AGBL1: variants seen among roughly 807,000 people sequenced by gnomAD.
AGBL1 encodes the protein cytosolic carboxypeptidase 4.
In AGBL1, 130 loss-of-function variants were observed where a neutral mutation model predicts 118.9. That is an observed-to-expected ratio of 1.09 (90% CI 0.95 to 1.26). AGBL1 has a LOEUF of 1.26. Ranked by LOEUF, AGBL1 falls within the 50% of genes most tolerant of loss-of-function variation. AGBL1 has a pLI of 0.00. For synonymous variants in AGBL1, 555 were observed against 478.9 expected, an observed-to-expected ratio of 1.16 and a Z score of -2.08; for missense variants, 1,584 against 1,298.1, an observed-to-expected ratio of 1.22 and a Z score of -3.38.
intron 18 of AGBL1, among the ~76,000 whole-genome samples, chr15:86,409,694 C>G (rs190988082): frequency 6.6e-6 from 1 of 152,312 alleles, no homozygotes; most frequent in East Asian, 1.9e-4. Context: ...GTTTCCCCCC[C>G]TCACTTCCCA....
At chr15:86,334,968 A>G (rs1320338367) in intron 17 of AGBL1, among the ~76,000 whole-genome samples, 1 of 152,214 alleles carries the variant, frequency 6.6e-6, no homozygotes, top group Non-Finnish European at 1.5e-5. Flanking sequence ...AATGAAAGAT[A>G]TATCCATTGA....
chr15:86,944,141 C>T (rs1379447901), intron 23 of AGBL1, among the ~76,000 whole-genome samples: 5 of 152,098 alleles, frequency 3.3e-5, no homozygotes, highest in African/African-American at 2.4e-5. Context: ...GAGGCTGAGG[C>T]GGGCGGATCA....
At chr15:86,301,172 G>T (rs1380582760) in intron 17 of AGBL1, among the ~76,000 whole-genome samples, 1 of 152,128 alleles carries the variant, frequency 6.6e-6, no homozygotes, top group South Asian at 2.1e-4. Flanking sequence ...TCTCACTCTG[G>T]ACATTTCTGT....
chr15:86,103,030 T>G (rs1373631812), intron 1 of AGBL1, among the ~76,000 whole-genome samples: 2 of 152,154 alleles, frequency 1.3e-5, no homozygotes, highest in Non-Finnish European at 1.5e-5. Flanking sequence ...TATCTTTGGG[T>G]TTTTTTCCAA....
intron 22 of AGBL1, among the ~76,000 whole-genome samples, chr15:86,769,171 G>GAGAGAGAGAGAGGGAGAGAA (rs72260009): frequency 8.4e-6 from 1 of 118,532 alleles, no homozygotes; most frequent in Non-Finnish European, 1.7e-5. Flanking sequence ...TTCTCATTTT[G>GAGAGAGAGAGAGGGAGAGAA]AGAGGGAGAG....
intron 18 of AGBL1, among the ~76,000 whole-genome samples, chr15:86,422,503 C>T (rs766224506): frequency 6.6e-6 from 1 of 152,080 alleles, no homozygotes; most frequent in Non-Finnish European, 1.5e-5. Context: ...TGGGAAAGAT[C>T]TAAAATCGAC....
intron 23 of AGBL1, among the ~76,000 whole-genome samples, chr15:86,951,829 G>T (rs908860512): frequency 1.3e-5 from 2 of 152,096 alleles, no homozygotes; most frequent in Non-Finnish European, 2.9e-5. Context: ...ATTGTTAAGT[G>T]TACACATGTT....
intron 18 of AGBL1, among the ~76,000 whole-genome samples, chr15:86,482,088 G>A (rs990435208): frequency 6.6e-6 from 1 of 152,144 alleles, no homozygotes; most frequent in African/African-American, 2.4e-5. Context: ...GGAGACAGAA[G>A]CAATGTGTTC....
chr15:86,539,287 G>A (rs1331635810), intron 19 of AGBL1, among the ~76,000 whole-genome samples: 2 of 151,760 alleles, frequency 1.3e-5, no homozygotes, highest in East Asian at 3.9e-4. Flanking sequence ...TGGAAATCAA[G>A]GAGTTATTCC....
chr15:86,720,848 C>T (rs972358312), intron 22 of AGBL1, among the ~76,000 whole-genome samples: 13 of 152,210 alleles, frequency 8.5e-5, no homozygotes, highest in African/African-American at 2.6e-4. Context: ...ATACAAACTA[C>T]CATCAGAGAA....
intron 22 of AGBL1, among the ~76,000 whole-genome samples, chr15:86,706,377 G>C (rs1180213981): frequency 6.6e-6 from 1 of 152,042 alleles, no homozygotes; most frequent in Non-Finnish European, 1.5e-5. Context: ...AAAAATCATA[G>C]AGGCAGAACT....
At chr15:86,939,355 C>G (rs2080717087) in intron 23 of AGBL1, among the ~76,000 whole-genome samples, 1 of 152,198 alleles carries the variant, frequency 6.6e-6, no homozygotes, top group Non-Finnish European at 1.5e-5. Context: ...TGCTTCCTGC[C>G]CTTGAACATC....
At chr15:86,756,627 A>C (rs2077945073) in intron 22 of AGBL1, among the ~76,000 whole-genome samples, 1 of 152,082 alleles carries the variant, frequency 6.6e-6, no homozygotes, top group Admixed American at 6.5e-5. Flanking sequence ...TGAGGGTGAG[A>C]GAAGGAGGGT....
At chr15:86,083,659 C>A (rs929951117) in intron 1 of AGBL1, 2 of 152,176 alleles carry the variant, frequency 1.3e-5, no homozygotes, top group African/African-American at 4.8e-5. Flanking sequence ...TCCACTTCTC[C>A]CCCTTGGACT....
intron 5 of AGBL1, among the ~76,000 whole-genome samples, chr15:86,206,354 G>A (rs1471496741): frequency 1.3e-5 from 2 of 152,114 alleles, no homozygotes; most frequent in Non-Finnish European, 2.9e-5. Flanking sequence ...GGGTCAAATG[G>A]TACTTCTAGT....
At chr15:86,661,701 C>A (rs1277969461) in intron 21 of AGBL1, among the ~76,000 whole-genome samples, 1 of 152,154 alleles carries the variant, frequency 6.6e-6, no homozygotes, top group Non-Finnish European at 1.5e-5. Context: ...CTAGAGCAAG[C>A]AAACAGTCCC....
chr15:86,352,180 T>C (rs1338726150), intron 17 of AGBL1, among the ~76,000 whole-genome samples: 1 of 152,206 alleles, frequency 6.6e-6, no homozygotes, highest in African/African-American at 2.4e-5. Context: ...AACCTCACAA[T>C]GAAGGTTCGG....
chr15:86,409,285 G>A (rs1181307080), intron 18 of AGBL1, among the ~76,000 whole-genome samples: 3 of 152,152 alleles, frequency 2.0e-5, no homozygotes, highest in Non-Finnish European at 4.4e-5. Flanking sequence ...TGGTTCTAGA[G>A]GGCAACACAC....
chr15:86,262,267 T>C (rs12917182), intron 9 of AGBL1, among the ~76,000 whole-genome samples: 1 of 152,090 alleles, frequency 6.6e-6, no homozygotes, highest in East Asian at 1.9e-4. Context: ...TTCTTTACTG[T>C]TTTTCTTCTC....
Sources: allele counts gnomAD v4.1 joint callset (sites outside exome capture counted in the v4.1 genomes callset), GRCh38; gene constraint gnomAD v4.1.1; transcripts MANE v1.5; gene names NCBI Gene and HGNC (gene_info 2026-07-23, HGNC 2026-07-21).